ZNF213: variants seen among roughly 807,000 people sequenced by gnomAD.
The protein encoded by ZNF213 is putative transcription factor CR53.
ZNF213 carries 32 observed loss-of-function variants against 46.0 expected under a neutral mutation model. The ratio of observed to expected loss-of-function variants is 0.70; its 90% CI spans 0.52 to 0.93. The LOEUF (loss-of-function observed/expected upper bound fraction) is 0.93. Ranked by LOEUF, ZNF213 falls within the 40% of genes least tolerant of loss-of-function variation. The probability of loss-of-function intolerance (pLI) is 0.00; values close to 1 mark genes in which losing one functional copy is unlikely to be tolerated. For missense variants in ZNF213, 639 were observed against 652.8 expected (o/e 0.98, Z 0.23); for synonymous variants, 297 against 271.0 (o/e 1.10, Z -0.94).
rs1957596458 is a variant in ZNF213, at chr16:3,140,979, A to G, written c.1012A>G (p.Thr338Ala). 8.7e-6 allele frequency: 14 copies of G among 1,609,314 alleles called. No homozygotes were observed. Among genetic ancestry groups the G allele is most frequent in the Non-Finnish European group, 1.1e-5 (13 of 1,179,248 alleles). The part of the protein sequence containing the change: ...WGSDLARHQR[T>A]HTGEKPHKCP... ...CTCGGACCTGGCGCGGCACCAGCGC[A>G]CGCACACGGGCGAGAAGCCACACAA... The change falls in exon 6 of 6, where the codon ACG (threonine) becomes GCG (alanine). Residue 338 changes from threonine to alanine, a missense_variant. Physicochemically the swap from Thr to Ala is moderately conservative, Grantham distance 58 (BLOSUM62 0). Coordinates refer to ENST00000396878, the MANE Select transcript of ZNF213 (RefSeq NM_004220.3).
At position 3,140,775 on chromosome 16, in the gene ZNF213, G is replaced by C. The variant is rs200901235; in HGVS notation, c.808G>C (p.Val270Leu). Residue 270 changes from valine to leucine, a missense_variant, in exon 6 of 6, where the codon GTG becomes CTG. By Grantham distance (32) the Val-to-Leu change is conservative. Transcript: ENST00000396878. ...AGGCCAGACAGGCAGCGACGTGACT[G>C]TGTCCTGGAGCCCCGAGGAGGCTGA... is the stretch of plus-strand genomic sequence containing the variant. ...VPGQTGSDVT[V>L]SWSPEEAEAW... 1 of 1,586,256 alleles carries C rather than the reference G, an allele frequency of 6.3e-7. No individual in the cohort carries two copies. Among genetic ancestry groups the C allele is most frequent in the Non-Finnish European group, 8.6e-7 (1 of 1,169,482 alleles).
Position 3,138,477 on chromosome 16 carries a change from G to A in ZNF213, c.459G>A (p.Gly153=), listed in dbSNP as rs1957566559. The change falls in exon 3 of 6, where the codon GGG becomes GGA. Residue 153 remains glycine, a synonymous_variant. Coordinates refer to ENST00000396878, the MANE Select transcript of ZNF213 (RefSeq NM_004220.3). ...EAAGRGSQAT[G]PPPTVGARRR... is the part of the protein sequence containing the mutation. ...CAGGCCGGGGATCCCAGGCCACGGG[G>A]CCTCCCCCGACGGTGGGGGCACGGA... 2.5e-6 allele frequency: 4 copies of A among 1,613,382 alleles called. No homozygotes were observed. The highest frequency in any genetic ancestry group is 3.4e-6 in the Non-Finnish European group (4 of 1,179,730).
At chr16:3,138,247 G>T in intron 2 of ZNF213, 171 bp from the exon 3 acceptor site, 1 of 1,303,582 alleles carries the variant, frequency 7.7e-7, no homozygotes. Flanking sequence ...TGGGCACACA[G>T]CATTACCTGG....
At chr16:3,135,802 T>C (rs1261280952) in intron 1 of ZNF213, among the ~76,000 whole-genome samples, 1 of 151,968 alleles carries the variant, frequency 6.6e-6, no homozygotes, top group African/African-American at 2.4e-5. Flanking sequence ...ATTAAGATGG[T>C]TTGTATTTTT....
At chr16:3,138,066 G>C (rs1957561166) in intron 2 of ZNF213, 2 of 456,956 alleles carry the variant, frequency 4.4e-6, no homozygotes, top group Non-Finnish European at 7.8e-6. Flanking sequence ...CTGCTACCTT[G>C]TGGGATGTTG....
chr16:3,138,527 A>G lies in ZNF213; in HGVS notation c.509A>G (p.Gln170Arg). Residue 170 changes from glutamine to arginine, a missense_variant, in exon 3 of 6, where the codon CAG becomes CGG. By Grantham distance (43) the Gln-to-Arg change is conservative (BLOSUM62 1). Coordinates refer to ENST00000396878, the MANE Select transcript of ZNF213 (RefSeq NM_004220.3). ...ARRRPSVPQE[Q>R]HSHSAQPPAL... ...AGGCGGCCGTCTGTTCCCCAGGAGC[A>G]GCACAGCCATAGCGGTGAGTAAGCC... The G allele has an allele frequency of 1.2e-6, 2 of 1,614,094 alleles. No homozygotes were observed. Among genetic ancestry groups the G allele is most frequent in the Non-Finnish European group, 8.5e-7 (1 of 1,179,996 alleles).
Position 3,140,976 on chromosome 16 carries a change from C to A in ZNF213, c.1009C>A (p.Arg337Ser). ...GGGCTCGGACCTGGCGCGGCACCAG[C>A]GCACGCACACGGGCGAGAAGCCACA... ...RWGSDLARHQ[R>S]THTGEKPHKC... The change falls in exon 6 of 6, where the codon CGC becomes AGC. Residue 337 changes from arginine to serine, a missense_variant. Physicochemically the swap from Arg to Ser is moderately radical, Grantham distance 110. Transcript: ENST00000396878. The A allele has an allele frequency of 2.5e-6, 4 of 1,608,754 alleles. No individual in the cohort carries two copies. Among genetic ancestry groups the A allele is most frequent in the Non-Finnish European group, 3.4e-6 (4 of 1,179,050 alleles).
In ZNF213 at chr16:3,140,902, C is replaced by T. The variant is rs1433581273; in HGVS notation, c.935C>T (p.Ala312Val). ...PTRRRQFRDLAAEKPHSCGQC... is the reference protein window; with the variant it reads ...PTRRRQFRDLVAEKPHSCGQC... ...CGCCGGCGCCAGTTCCGGGACCTGG[C>T]AGCCGAGAAGCCGCACAGCTGCGGG... The change falls in exon 6 of 6, where the codon GCA (alanine) becomes GTA (valine). Residue 312 changes from alanine to valine, a missense_variant. Coordinates refer to ENST00000396878, the MANE Select transcript of ZNF213 (RefSeq NM_004220.3). 6.3e-7 allele frequency: 1 copy of T among 1,585,102 alleles called. No individual in the cohort carries two copies. The highest frequency in any genetic ancestry group is 8.6e-7 in the Non-Finnish European group (1 of 1,168,538).
At position 3,137,647 on chromosome 16, in the gene ZNF213, C is replaced by G. The variant is rs1318766709; in HGVS notation, c.367C>G (p.Leu123Val). The change falls in exon 2 of 6, where the codon CTA becomes GTA. Residue 123 changes from leucine (L) to valine (V), a missense_variant. Physicochemically the swap from Leu to Val is conservative, Grantham distance 32. Coordinates refer to ENST00000396878, the MANE Select transcript of ZNF213 (RefSeq NM_004220.3). Reference sequence around the variant, plus strand: ...GGAGGCTGTCGCCTTGGTGGAGGACCTACAGAAGCAGCCAGTGAAAGCCTG... The same window carrying G: ...GGAGGCTGTCGCCTTGGTGGAGGACGTACAGAAGCAGCCAGTGAAAGCCTG... ...GEEAVALVED[L>V]QKQPVKAWRQ... 6.2e-7 allele frequency: 1 copy of G among 1,613,570 alleles called. No homozygotes were observed. The highest frequency in any genetic ancestry group is 8.5e-7 in the Non-Finnish European group (1 of 1,179,998).
Position 3,141,565 on chromosome 16 carries a change from C to T in ZNF213, c.*218C>T. The T allele has an allele frequency of 1.8e-6, 1 of 543,710 alleles. No homozygotes were observed. Among genetic ancestry groups the T allele is most frequent in the South Asian group, 2.8e-5 (1 of 36,062 alleles). The allele number at this position is 543,710 out of a possible 1,614,324, so 33.7% of individuals were successfully genotyped here. A position where few individuals can be genotyped will look rare whatever the true frequency, so the allele number is the denominator to read the frequency against. ...TTCCCCTCCCGCCCCCGATCTTGTCCTCTTTCCCCCTTCTGCGCCTAGCGT... is the reference window on the plus strand; with the variant it reads ...TTCCCCTCCCGCCCCCGATCTTGTCTTCTTTCCCCCTTCTGCGCCTAGCGT... On this transcript the variant is annotated 3_prime_UTR_variant, in exon 6 of 6. Coordinates refer to ENST00000396878, the MANE Select transcript of ZNF213 (RefSeq NM_004220.3).
chr16:3,141,065 G>GCA lies in ZNF213; in HGVS notation c.1102_1103dup (p.Gly369ArgfsTer179). The GCA allele has an allele frequency of 3.1e-6, 5 of 1,613,238 alleles. No homozygotes were observed. The highest frequency in any genetic ancestry group is 3.4e-6 in the Non-Finnish European group (4 of 1,179,858). ...CGGACCTGGTGCGCCACCAAGGCGT[G>GCA]CACACGGGCGAGAAGCCCTTCTCCT... On this transcript the variant is annotated frameshift_variant, in exon 6 of 6. Coordinates refer to ENST00000396878, the MANE Select transcript of ZNF213 (RefSeq NM_004220.3). LOFTEE classifies it high-confidence loss of function.
At position 3,141,406 on chromosome 16, in the gene ZNF213, C is replaced by A; in HGVS notation, c.*59C>A. On this transcript the variant is annotated 3_prime_UTR_variant, in exon 6 of 6. Coordinates refer to ENST00000396878, the MANE Select transcript of ZNF213 (RefSeq NM_004220.3). The stretch of plus-strand genomic sequence containing the variant: ...CAGCCACGGCACATCCTGCTTTGTT[C>A]ACCACTGGGACTCTCCTTCCATCTG... The A allele has an allele frequency of 4.0e-6, 6 of 1,493,016 alleles. No individual in the cohort carries two copies. The highest frequency in any genetic ancestry group is 5.3e-6 in the Non-Finnish European group (6 of 1,125,742). The allele number at this position is 1,493,016 out of a possible 1,614,324, so 92.5% of individuals were successfully genotyped here.
Position 3,140,687 on chromosome 16 carries a change from A to G in ZNF213, c.722-2A>G. On this transcript the variant is annotated splice_acceptor_variant, in intron 5 of 5. Coordinates refer to ENST00000396878, the MANE Select transcript of ZNF213 (RefSeq NM_004220.3). LOFTEE classifies it high-confidence loss of function. ...GAAGAGGTCGCCTCCTTCCCCTTGCAGGTTTTGGGCTCAAAGGCCAAAGTG... is the reference window on the plus strand; with the variant it reads ...GAAGAGGTCGCCTCCTTCCCCTTGCGGGTTTTGGGCTCAAAGGCCAAAGTG... The G allele has an allele frequency of 6.7e-7, 1 of 1,499,598 alleles. No individual in the cohort carries two copies. The highest frequency in any genetic ancestry group is 8.9e-7 in the Non-Finnish European group (1 of 1,129,122). The allele number at this position is 1,499,598 out of a possible 1,614,324, so 92.9% of individuals were successfully genotyped here. A position where few individuals can be genotyped will look rare whatever the true frequency, so the allele number is the denominator to read the frequency against.
In ZNF213 at chr16:3,142,253, C is replaced by A; in HGVS notation, c.*906C>A. 1 of 207,798 alleles carries A rather than the reference C, an allele frequency of 4.8e-6. No individual in the cohort carries two copies. 12.9% of individuals were successfully genotyped at this position (207,798 alleles called of 1,614,324 possible). A position where few individuals can be genotyped will look rare whatever the true frequency, so the allele number is the denominator to read the frequency against. On this transcript the variant is annotated 3_prime_UTR_variant, in exon 6 of 6. Coordinates refer to ENST00000396878, the MANE Select transcript of ZNF213 (RefSeq NM_004220.3). ...CACTAATGCTCCACTCGGCGCCCCA[C>A]TCCATCGGCCCCGCTCCATCGGCAC...
In ZNF213 at chr16:3,137,603, A is replaced by C; in HGVS notation, c.323A>C (p.Gln108Pro). 6.2e-7 allele frequency: 1 copy of C among 1,614,024 alleles called. No homozygotes were observed. Among genetic ancestry groups the C allele is most frequent in the Non-Finnish European group, 8.5e-7 (1 of 1,180,036 alleles). Reference protein sequence around the residue: ...PGEIQGWVREQHPGSGEEAVA... With the variant: ...PGEIQGWVREPHPGSGEEAVA... ...GAGATCCAGGGCTGGGTGCGTGAGC[A>C]GCACCCGGGAAGCGGTGAGGAGGCT... The change falls in exon 2 of 6, where the codon CAG (glutamine) becomes CCG (proline). Residue 108 changes from glutamine to proline, a missense_variant. By Grantham distance (76) the Gln-to-Pro change is moderately conservative (BLOSUM62 -1). Coordinates refer to ENST00000396878, the MANE Select transcript of ZNF213 (RefSeq NM_004220.3).
rs918302108 is a variant in ZNF213 at position 3,137,496 on chromosome 16, C to T, written c.216C>T (p.Arg72=). 1.2e-6 allele frequency: 2 copies of T among 1,613,868 alleles called. No individual in the cohort carries two copies. Among genetic ancestry groups the T allele is most frequent in the African/African-American group, 2.7e-5 (2 of 74,950 alleles). ...AFSQLWELCC[R]WLRPELRTKE... Reference sequence around the variant, plus strand: ...GCCAGCTCTGGGAGCTCTGCTGCCGCTGGCTGCGGCCCGAGCTGCGTACCA... The same window carrying T: ...GCCAGCTCTGGGAGCTCTGCTGCCGTTGGCTGCGGCCCGAGCTGCGTACCA... The change falls in exon 2 of 6, where the codon CGC becomes CGT. Residue 72 remains arginine (R), a synonymous_variant. Coordinates refer to ENST00000396878, the MANE Select transcript of ZNF213 (RefSeq NM_004220.3).
chr16:3,137,467 T>C lies in ZNF213; in HGVS notation c.187T>C (p.Phe63Leu). The C allele has an allele frequency of 6.2e-7, 1 of 1,613,948 alleles. No individual in the cohort carries two copies. Among genetic ancestry groups the C allele is most frequent in the Non-Finnish European group, 8.5e-7 (1 of 1,180,030 alleles). ...YGDVHGPHEA[F>L]SQLWELCCRW... ...GGATGTGCATGGGCCTCATGAGGCC[T>C]TCAGCCAGCTCTGGGAGCTCTGCTG... Residue 63 changes from phenylalanine (F) to leucine (L), a missense_variant, in exon 2 of 6, where the codon TTC becomes CTC. Physicochemically the swap from Phe to Leu is conservative, Grantham distance 22. Transcript: ENST00000396878.
rs1251639175 is a variant in ZNF213 at position 3,137,253 on chromosome 16, G to A, written c.-28G>A. 4.5e-6 allele frequency: 7 copies of A among 1,549,744 alleles called. No homozygotes were observed. Among genetic ancestry groups the A allele is most frequent in the East Asian group, 2.3e-5 (1 of 44,356 alleles). ...AGGTTCTGGGGCCCAGGTTGAAGCC[G>A]ACCAACCCTGAGCCTCAGGCCAGGG... On this transcript the variant is annotated 5_prime_UTR_variant, in exon 2 of 6. Coordinates refer to ENST00000396878, the MANE Select transcript of ZNF213 (RefSeq NM_004220.3).
chr16:3,137,551 G>C lies in ZNF213; in HGVS notation c.271G>C (p.Glu91Gln). The change falls in exon 2 of 6, where the codon GAG becomes CAG. Residue 91 changes from glutamate to glutamine, a missense_variant. Coordinates refer to ENST00000396878, the MANE Select transcript of ZNF213 (RefSeq NM_004220.3). ...KEQILELLVL[E>Q]QFLTVLPGEI... is the part of the protein sequence containing the mutation. The stretch of plus-strand genomic sequence containing the variant: ...GCAGATCCTGGAGCTGCTGGTGCTG[G>C]AGCAGTTCCTGACAGTGCTGCCAGG... 1 of 1,613,948 alleles carries C rather than the reference G, an allele frequency of 6.2e-7. No homozygotes were observed. The highest frequency in any genetic ancestry group is 2.2e-5 in the East Asian group (1 of 44,898).
Sources: allele counts gnomAD v4.1 joint callset (sites outside exome capture counted in the v4.1 genomes callset), GRCh38; gene constraint gnomAD v4.1.1; transcripts MANE v1.5; gene names NCBI Gene and HGNC (gene_info 2026-07-23, HGNC 2026-07-21).